Variants in PSIP1 observed in about 807,000 individuals in gnomAD.
PSIP1 encodes PC4 and SFRS1-interacting protein.
PSIP1 carries 19 observed loss-of-function variants against 74.7 expected under a neutral mutation model. The ratio of observed to expected loss-of-function variants is 0.25; its 90% CI spans 0.18 to 0.37. PSIP1 has a LOEUF of 0.37. Among genes scored for constraint, PSIP1 ranks in the 10% least tolerant of loss-of-function variants. The pLI, the probability that PSIP1 is intolerant of heterozygous loss-of-function variation, is 1.00. For synonymous variants in PSIP1, 222 were observed against 195.3 expected, an observed-to-expected ratio of 1.14 and a Z score of -1.14; for missense variants, 601 against 614.3, an observed-to-expected ratio of 0.98 and a Z score of 0.23.
intron 13 of PSIP1, 44 bp from the exon 14 acceptor site, chr9:15,468,887 A>AT (rs780296900): frequency 1.7e-5 from 28 of 1,603,494 alleles, no homozygotes; most frequent in Non-Finnish European, 2.3e-5. Context: ...TTCCTAATTG[A>AT]TTTTTTAAAC....
At chr9:15,470,047 C>T in intron 10 of PSIP1, 54 bp from the exon 11 acceptor site, 1 of 1,376,990 alleles carries the variant, frequency 7.3e-7, no homozygotes, top group Non-Finnish European at 1.0e-6. Context: ...TGACTAAATG[C>T]CCACAATCCC....
At chr9:15,485,517 G>A (rs1421647384) in intron 6 of PSIP1, among the ~76,000 whole-genome samples, 1 of 152,074 alleles carries the variant, frequency 6.6e-6, no homozygotes, top group African/African-American at 2.4e-5. Flanking sequence ...ACAAAACTTC[G>A]TATATGGAAG....
In PSIP1 at chr9:15,478,856, G is replaced by A. The variant is rs376620633; in HGVS notation, c.554-304C>T. On this transcript the variant is annotated intron_variant, in intron 7 of 15. Transcript: ENST00000380733. ...TCACAAAATTCAACTTTTAGAATAG[G>A]AAACAGCACTTATATTTAATATTCA... Among the ~76,000 whole-genome samples, 27 of 151,950 alleles carry A rather than the reference G, an allele frequency of 1.8e-4. No individual in the cohort carries two copies. The South Asian group carries it at 5.4e-3, about 30-fold the overall frequency.
At chr9:15,488,661 C>T (rs2036665814) in intron 4 of PSIP1, among the ~76,000 whole-genome samples, 1 of 152,062 alleles carries the variant, frequency 6.6e-6, no homozygotes, top group Non-Finnish European at 1.5e-5. Context: ...CCGAGGTGGG[C>T]AGATCACAAG....
At chr9:15,469,101 AC>A in intron 12 of PSIP1, 43 bp from the exon 13 acceptor site, 1 of 1,542,914 alleles carries the variant, frequency 6.5e-7, no homozygotes, top group South Asian at 1.2e-5. Flanking sequence ...AATTATCTTA[AC>A]ACTTAAACAA....
At chr9:15,489,959 T>A in intron 4 of PSIP1, 27 bp downstream of exon 4, 1 of 1,480,524 alleles carries the variant, frequency 6.8e-7, no homozygotes, top group South Asian at 1.3e-5. Context: ...AAATAAGTAA[T>A]ATCAAATTTT....
chr9:15,489,435 C>G (rs1269103385), intron 4 of PSIP1: 1 of 151,814 alleles, frequency 6.6e-6, no homozygotes, highest in Non-Finnish European at 1.5e-5. Context: ...TGACAAAACC[C>G]TGTCTCTAGT....
At chr9:15,467,092 G>A (rs2035670572) in intron 14 of PSIP1, among the ~76,000 whole-genome samples, 1 of 152,092 alleles carries the variant, frequency 6.6e-6, no homozygotes, top group African/African-American at 2.4e-5. Flanking sequence ...GGTAGCTAAG[G>A]CACCATAAAA....
chr9:15,490,015 T>G lies in PSIP1; in HGVS notation c.259A>C (p.Asn87His), dbSNP rs1422426991. Reference protein sequence around the residue: ...FNEGLWEIDNNPKVKFSSQQA... With the variant: ...FNEGLWEIDNHPKVKFSSQQA... ...TGACTTGAAAATTTCACTTTTGGAT[T>G]GTTATCTATCTCCCATAAACCTTCA... The change falls in exon 4 of 16, where the codon AAT (asparagine) becomes CAT (histidine). Residue 87 changes from asparagine to histidine, a missense_variant. Coordinates refer to ENST00000380733, the MANE Select transcript of PSIP1 (RefSeq NM_033222.5). 1 of 1,584,252 alleles carries G rather than the reference T, an allele frequency of 6.3e-7. No individual in the cohort carries two copies. Among genetic ancestry groups the G allele is most frequent in the Non-Finnish European group, 8.6e-7 (1 of 1,169,380 alleles).
rs2035550646 is a variant in PSIP1 at position 15,465,427 on chromosome 9, A to G, written c.*93T>C. On this transcript the variant is annotated 3_prime_UTR_variant, in exon 16 of 16. Coordinates refer to ENST00000380733, the MANE Select transcript of PSIP1 (RefSeq NM_033222.5). ...AAAACAAGTTTTCAACATCAAACCT[A>G]TGCTTATAAAAATTTAAAACTTTCA... 1.7e-6 allele frequency: 2 copies of G among 1,145,282 alleles called. No individual in the cohort carries two copies. The highest frequency in any genetic ancestry group is 1.4e-5 in the South Asian group (1 of 72,074). 70.9% of individuals were successfully genotyped at this position (1,145,282 alleles called of 1,614,324 possible). A position where few individuals can be genotyped will look rare whatever the true frequency, so the allele number is the denominator to read the frequency against.
chr9:15,489,829 T>C (rs1338936615), intron 4 of PSIP1, among the ~76,000 whole-genome samples, 157 bp downstream of exon 4: 1 of 152,148 alleles, frequency 6.6e-6, no homozygotes, highest in African/African-American at 2.4e-5. Context: ...TCAATTCATT[T>C]TGATATAAAA....
chr9:15,486,068 C>A lies in PSIP1; in HGVS notation c.394G>T (p.Asp132Tyr). The part of the protein sequence containing the change: ...TDHEEKASNE[D>Y]VTKAVDITTP... ...GTTATGTCAACTGCTTTAGTCACAT[C>A]CTAAAAAAGAAAAAAGAAAACTGAA... is the stretch of plus-strand genomic sequence containing the variant. The change falls in exon 6 of 16, where the codon GAT becomes TAT. Residue 132 changes from aspartate (D) to tyrosine (Y), a missense_variant and splice_region_variant. Physicochemically the swap from Asp to Tyr is radical, Grantham distance 160. This residue lies in a region of PSIP1 where 538 missense variants were observed against 507.6 expected (regional missense o/e 1.06). Transcript: ENST00000380733. 1 of 1,594,940 alleles carries A rather than the reference C, an allele frequency of 6.3e-7. No homozygotes were observed. The highest frequency in any genetic ancestry group is 8.6e-7 in the Non-Finnish European group (1 of 1,169,470).
chr9:15,474,304 G>C (rs893773492), intron 8 of PSIP1, 67 bp from the exon 9 acceptor site: 1 of 1,350,922 alleles, frequency 7.4e-7, no homozygotes, highest in African/African-American at 1.5e-5. Context: ...ATATCAGTAA[G>C]CTATAATTTT....
At chr9:15,505,483 C>T (rs2037544125) in intron 3 of PSIP1, 1 of 152,036 alleles carries the variant, frequency 6.6e-6, no homozygotes, top group South Asian at 2.1e-4. Flanking sequence ...TGATGAAGGC[C>T]AAACCAATTC....
At position 15,465,503 on chromosome 9, in the gene PSIP1, A is replaced by T. The variant is rs1563861587; in HGVS notation, c.*17T>A. The T allele has an allele frequency of 6.6e-7, 1 of 1,521,760 alleles. No individual in the cohort carries two copies. The highest frequency in any genetic ancestry group is 2.3e-5 in the East Asian group (1 of 43,658). 94.3% of individuals were successfully genotyped at this position (1,521,760 alleles called of 1,614,324 possible). ...TACAAACTTCTCAAGTGTTCTCTAT[A>T]TTCCAGGTATGTCAACCTAGTTATC... On this transcript the variant is annotated 3_prime_UTR_variant, in exon 16 of 16. Coordinates refer to ENST00000380733, the MANE Select transcript of PSIP1 (RefSeq NM_033222.5).
intron 10 of PSIP1, among the ~76,000 whole-genome samples, chr9:15,470,365 C>T (rs774948208): frequency 6.6e-6 from 1 of 152,036 alleles, no homozygotes. Flanking sequence ...AATCATTGTG[C>T]ATGTAACAAG....
intron 3 of PSIP1, among the ~76,000 whole-genome samples, chr9:15,493,637 G>A (rs562523260): frequency 5.9e-5 from 9 of 152,270 alleles, no homozygotes; most frequent in Admixed American, 1.3e-4. Context: ...TCAAAGTTCC[G>A]CATGGCTGGG....
At chr9:15,501,197 A>G (rs2037327379) in intron 3 of PSIP1, among the ~76,000 whole-genome samples, 1 of 152,136 alleles carries the variant, frequency 6.6e-6, no homozygotes, top group South Asian at 2.1e-4. Context: ...CTTCTGATCT[A>G]GTTGCTCTAC....
intron 7 of PSIP1, 147 bp from the exon 8 acceptor site, chr9:15,478,699 T>G (rs888074565): frequency 1.8e-6 from 1 of 541,654 alleles, no homozygotes; most frequent in Admixed American, 3.4e-5. Flanking sequence ...GAAAAAATAA[T>G]ACCTCCCCCA....
Sources: gnomAD v4.1 joint callset for allele counts (sites outside exome capture counted in the v4.1 genomes callset) on GRCh38, gnomAD v4.1.1 for gene constraint, gnomAD v4.1.1 regional missense constraint, MANE v1.5 for transcripts, NCBI Gene and HGNC (gene_info 2026-07-23, HGNC 2026-07-21) for gene names.